Variants in ANXA2 observed in about 807,000 individuals in gnomAD.
ANXA2 encodes annexin II.
Under a neutral mutation model 47.3 loss-of-function variants are expected in ANXA2, and 28 were observed. That is an observed-to-expected ratio of 0.59 (90% CI 0.44 to 0.81). The LOEUF (loss-of-function observed/expected upper bound fraction) is 0.81. ANXA2 is among the 40% of genes least tolerant of loss of function. ANXA2 has a pLI of 0.00. For synonymous variants in ANXA2, 172 were observed against 155.5 expected, an observed-to-expected ratio of 1.11 and a Z score of -0.79; for missense variants, 384 against 414.3, an observed-to-expected ratio of 0.93 and a Z score of 0.64.
At position 60,354,484 on chromosome 15, in the gene ANXA2, G is replaced by C. The variant is rs1434117768; in HGVS notation, c.529-271C>G. On this transcript the variant is annotated intron_variant, in intron 7 of 12. Coordinates refer to ENST00000451270, the MANE Select transcript of ANXA2 (RefSeq NM_004039.3). ...GTGAAACCCTGTCTCTACTAAATTA[G>C]CCAGGCGTGGTGGCACATGCCTGTA... Among the ~76,000 whole-genome samples the C allele has an allele frequency of 2.6e-5, 4 of 151,938 alleles. No individual in the cohort carries two copies. The East Asian group carries it at 7.7e-4, about 29-fold the overall frequency.
intron 3 of ANXA2, among the ~76,000 whole-genome samples, chr15:60,366,442 G>A (rs571820331): frequency 1.0e-3 from 156 of 150,018 alleles, no homozygotes; most frequent in South Asian, 4.3e-3. Flanking sequence ...GATGTGGGGA[G>A]CACCTCTGCC....
chr15:60,347,833 G>A, intron 12 of ANXA2, 144 bp from the exon 13 acceptor site: 2 of 727,644 alleles, frequency 2.7e-6, no homozygotes, highest in South Asian at 1.8e-5. Flanking sequence ...TGATACAAAG[G>A]CCTGGAAGGC....
At chr15:60,370,266 CCAG>C (rs1201097784) in intron 3 of ANXA2, among the ~76,000 whole-genome samples, 1 of 152,164 alleles carries the variant, frequency 6.6e-6, no homozygotes, top group Non-Finnish European at 1.5e-5. Context: ...GCTGTTTCTG[CCAG>C]CAGAAGATTC....
At chr15:60,356,050 T>C in intron 6 of ANXA2, 52 bp from the exon 7 acceptor site, 1 of 1,354,826 alleles carries the variant, frequency 7.4e-7, no homozygotes, top group Non-Finnish European at 1.1e-6. Flanking sequence ...TAGCCAACCA[T>C]CCACCCCAAT....
chr15:60,394,955 G>C (rs1340185290), intron 1 of ANXA2, among the ~76,000 whole-genome samples: 2 of 152,132 alleles, frequency 1.3e-5, no homozygotes. Context: ...AACTAGAATA[G>C]GGTGTGGCAC....
chr15:60,387,010 A>G (rs2062942168), intron 1 of ANXA2: 2 of 152,370 alleles, frequency 1.3e-5, no homozygotes, highest in African/African-American at 4.8e-5. Context: ...TTGATCAAGG[A>G]AACTGCACAC....
chr15:60,361,231 T>G (rs1258391570), intron 4 of ANXA2, among the ~76,000 whole-genome samples, 177 bp from the exon 5 acceptor site: 1 of 152,150 alleles, frequency 6.6e-6, no homozygotes, highest in Admixed American at 6.5e-5. Flanking sequence ...CTCAGAAACA[T>G]AAACATCAGG....
intron 3 of ANXA2, among the ~76,000 whole-genome samples, chr15:60,378,867 G>A (rs922258724): frequency 3.9e-5 from 6 of 152,148 alleles, no homozygotes; most frequent in South Asian, 2.1e-4. Context: ...TTGGGAGGCT[G>A]AGGCATGAGA....
At chr15:60,357,293 C>T in intron 5 of ANXA2, 57 bp from the exon 6 acceptor site, 3 of 1,390,510 alleles carry the variant, frequency 2.2e-6, no homozygotes, top group Non-Finnish European at 3.1e-6. Context: ...CATTAGCCTA[C>T]TTCTCTGATC....
chr15:60,349,744 A>AG (rs1566928110), intron 11 of ANXA2, among the ~76,000 whole-genome samples: 10 of 148,670 alleles, frequency 6.7e-5, no homozygotes, highest in African/African-American at 2.5e-4. Flanking sequence ...GAGAGAGAGA[A>AG]AGAAAGAGAG....
intron 12 of ANXA2, 61 bp from the exon 13 acceptor site, chr15:60,347,750 A>C: frequency 4.3e-6 from 6 of 1,411,298 alleles, no homozygotes; most frequent in Non-Finnish European, 6.0e-6. Context: ...ACTCCTCAAT[A>C]ACACAGAAGT....
chr15:60,368,761 T>G (rs1348522348), intron 3 of ANXA2, among the ~76,000 whole-genome samples: 2 of 151,736 alleles, frequency 1.3e-5, no homozygotes, highest in Admixed American at 6.6e-5. Context: ...CATAAATGGG[T>G]TTTTTTTAAT....
chr15:60,368,285 G>A lies in ANXA2; in HGVS notation c.149-3762C>T, dbSNP rs1270819259. On this transcript the variant is annotated intron_variant, in intron 3 of 12. Transcript: ENST00000451270. ...ATGACCCTGCCAAATCCCCCTCTGC[G>A]AGAAACACCCAAGAATGATCAATAA... Among the ~76,000 whole-genome samples, 7 of 128,342 alleles carry A rather than the reference G, an allele frequency of 5.5e-5. No individual in the cohort carries two copies. In the East Asian group the frequency reaches 1.1e-3, roughly 20 times the overall value. The allele number at this position is 128,342 out of a possible 152,430, so 84.2% of individuals were successfully genotyped here. A position where few individuals can be genotyped will look rare whatever the true frequency, so the allele number is the denominator to read the frequency against.
intron 3 of ANXA2, among the ~76,000 whole-genome samples, chr15:60,370,611 C>A (rs576945213): frequency 4.6e-4 from 70 of 152,308 alleles, no homozygotes; most frequent in African/African-American, 1.6e-3. Context: ...CAGGATGCAA[C>A]TGAAGGACTC....
At chr15:60,350,986 G>A (rs1182927564) in intron 11 of ANXA2, among the ~76,000 whole-genome samples, 4 of 152,122 alleles carry the variant, frequency 2.6e-5, no homozygotes, top group African/African-American at 4.8e-5. Flanking sequence ...TTGTCTGTAC[G>A]CAAATACATG....
chr15:60,387,796 A>T (rs546013342), intron 1 of ANXA2, among the ~76,000 whole-genome samples: 20 of 152,290 alleles, frequency 1.3e-4, no homozygotes, highest in African/African-American at 3.8e-4. Context: ...CTGATACGGG[A>T]TGTTGACAGT....
chr15:60,350,916 A>C (rs3825957), intron 11 of ANXA2, among the ~76,000 whole-genome samples: 1 of 152,102 alleles, frequency 6.6e-6, no homozygotes, highest in African/African-American at 2.4e-5. Context: ...GGAGAAACCT[A>C]AGCAGGGATC....
chr15:60,361,913 T>C (rs1486778557), intron 4 of ANXA2, among the ~76,000 whole-genome samples: 1 of 152,122 alleles, frequency 6.6e-6, no homozygotes, highest in Non-Finnish European at 1.5e-5. Flanking sequence ...TCGCTTTTTT[T>C]TTTTTCTTCT....
chr15:60,387,801 G>T (rs920795690), intron 1 of ANXA2, among the ~76,000 whole-genome samples: 2 of 152,198 alleles, frequency 1.3e-5, no homozygotes, highest in Non-Finnish European at 2.9e-5. Flanking sequence ...ACGGGATGTT[G>T]ACAGTGGAAG....
Sources: allele counts gnomAD v4.1 joint callset (sites outside exome capture counted in the v4.1 genomes callset), GRCh38; gene constraint gnomAD v4.1.1; transcripts MANE v1.5; gene names NCBI Gene and HGNC (gene_info 2026-07-23, HGNC 2026-07-21).